F5: variants seen among roughly 807,000 people sequenced by gnomAD.
F5 encodes coagulation factor V, also known as activated protein c cofactor.
F5 carries 138 observed loss-of-function variants against 216.4 expected under a neutral mutation model. That is an observed-to-expected ratio of 0.64 (90% CI 0.56 to 0.73). The LOEUF is 0.73. Ranked by LOEUF, F5 falls within the 30% of genes least tolerant of loss-of-function variation. The pLI is 0.00. For synonymous variants in F5, 916 were observed against 930.7 expected (o/e 0.98, Z 0.29); for missense variants, 2,403 against 2,674.0 (o/e 0.90, Z 2.24).
At chr1:169,584,265 A>T (rs1297252286) in intron 1 of F5, among the ~76,000 whole-genome samples, 2 of 152,326 alleles carry the variant, frequency 1.3e-5, no homozygotes, top group Admixed American at 6.5e-5. Flanking sequence ...AACAATTTCT[A>T]TTGGAAAATA....
chr1:169,564,472 C>T (rs724510), intron 3 of F5, among the ~76,000 whole-genome samples: 4,879 of 152,072 alleles, frequency 0.032, 259 homozygotes, highest in African/African-American at 0.11. Flanking sequence ...AAGCAGTAAG[C>T]TTAGGTGCTC....
chr1:169,540,157 G>T, intron 13 of F5, 137 bp downstream of exon 13: 1 of 881,314 alleles, frequency 1.1e-6, no homozygotes, highest in Non-Finnish European at 1.7e-6. Context: ...AAAGGAAAAA[G>T]AACAGGCCAA....
intron 13 of F5, among the ~76,000 whole-genome samples, chr1:169,537,777 A>G (rs1354664304): frequency 6.6e-6 from 1 of 152,146 alleles, no homozygotes; most frequent in Admixed American, 6.6e-5. Flanking sequence ...AATCACAATG[A>G]GGGCTCACCT....
At chr1:169,534,552 C>T (rs989184114) in intron 14 of F5, among the ~76,000 whole-genome samples, 2 of 151,716 alleles carry the variant, frequency 1.3e-5, no homozygotes, top group Non-Finnish European at 2.9e-5. Context: ...CCTGTAATCC[C>T]AGCTACTCGG....
chr1:169,564,024 T>A (rs1015140000), intron 3 of F5, among the ~76,000 whole-genome samples: 1 of 152,124 alleles, frequency 6.6e-6, no homozygotes, highest in Admixed American at 6.6e-5. Flanking sequence ...TGAAATCAAA[T>A]CTTGTTTTTT....
chr1:169,578,589 T>C (rs563637680), intron 2 of F5, among the ~76,000 whole-genome samples: 2 of 152,296 alleles, frequency 1.3e-5, no homozygotes, highest in African/African-American at 4.8e-5. Flanking sequence ...CAATCCTCTT[T>C]TCCTGGCCCT....
chr1:169,582,351 G>A (rs1364764137), intron 2 of F5, 80 bp downstream of exon 2: 5 of 721,794 alleles, frequency 6.9e-6, no homozygotes, highest in Middle Eastern at 2.8e-4. Flanking sequence ...TTCAGTAAAT[G>A]GATATTTTAG....
intron 3 of F5, among the ~76,000 whole-genome samples, chr1:169,562,897 A>T (rs966680652): frequency 6.6e-6 from 1 of 151,986 alleles, no homozygotes; most frequent in Non-Finnish European, 1.5e-5. Flanking sequence ...CTCTATATTT[A>T]TCAACTTCTG....
chr1:169,554,987 T>C (rs1379599073), intron 7 of F5, among the ~76,000 whole-genome samples, 195 bp downstream of exon 7: 1 of 152,208 alleles, frequency 6.6e-6, no homozygotes, highest in Non-Finnish European at 1.5e-5. Flanking sequence ...GCTGTTGTCA[T>C]TTTTATTATT....
At chr1:169,574,599 T>C (rs2101841511) in intron 2 of F5, among the ~76,000 whole-genome samples, 2 of 152,324 alleles carry the variant, frequency 1.3e-5, no homozygotes, top group Admixed American at 1.3e-4. Context: ...TAATAAGGCT[T>C]TCCTGTACTG....
rs1422821345 is a variant in F5 at position 169,540,739 on chromosome 1, G to A, written c.4351C>T (p.Leu1451Phe). The A allele has an allele frequency of 6.2e-7, 1 of 1,613,936 alleles. No individual in the cohort carries two copies. The highest frequency in any genetic ancestry group is 8.5e-7 in the Non-Finnish European group (1 of 1,179,994). ...TCTGGAGGAGGTGATATCTGGCTGAGATCCGGGAGAAGGGTGGTGTCACTG... is the reference window on the plus strand; with the variant it reads ...TCTGGAGGAGGTGATATCTGGCTGAAATCCGGGAGAAGGGTGGTGTCACTG... ...DISDTTLLPD[L>F]SQISPPPDLD... Residue 1451 changes from leucine (L) to phenylalanine (F), a missense_variant, in exon 13 of 25, where the codon CTC (leucine) becomes TTC (phenylalanine). Leu to Phe is a conservative substitution (Grantham distance 22, BLOSUM62 0). Coordinates refer to ENST00000367797, the MANE Select transcript of F5 (RefSeq NM_000130.5).
chr1:169,570,568 C>T (rs1660699731), intron 3 of F5, among the ~76,000 whole-genome samples: 1 of 152,100 alleles, frequency 6.6e-6, no homozygotes, highest in African/African-American at 2.4e-5. Context: ...CATTGTTTTT[C>T]CTCAAGCCAA....
In F5 at chr1:169,530,799, G is replaced by A; in HGVS notation, c.5195C>T (p.Ser1732Leu). 1 of 1,613,826 alleles carries A rather than the reference G, an allele frequency of 6.2e-7. No individual in the cohort carries two copies. The highest frequency in any genetic ancestry group is 8.5e-7 in the Non-Finnish European group (1 of 1,179,748). Residue 1732 changes from serine to leucine, a missense_variant, in exon 15 of 25, where the codon TCA becomes TTA. By Grantham distance (145) the Ser-to-Leu change is moderately radical. This residue lies in a region of F5 where 659 missense variants were observed against 787.9 expected (regional missense o/e 0.84). Coordinates refer to ENST00000367797, the MANE Select transcript of F5 (RefSeq NM_000130.5). ...GAAAGTACCTACTGGGTTCACAGCT[G>A]AGTAGTAGGCCCAAGCCCGACAGGC... ...GSACRAWAYY[S>L]AVNPEKDIHS...
intron 8 of F5, 79 bp from the exon 9 acceptor site, chr1:169,550,818 C>T (rs1660151072): frequency 9.2e-7 from 1 of 1,091,580 alleles, no homozygotes; most frequent in South Asian, 1.3e-5. Flanking sequence ...TTTGCATATT[C>T]ACCTTTTGGA....
chr1:169,550,106 T>C, intron 9 of F5, 91 bp from the exon 10 acceptor site: 1 of 1,015,102 alleles, frequency 9.9e-7, no homozygotes, highest in South Asian at 1.4e-5. Context: ...AACCAATTAA[T>C]ATTGCAAAAG....
At chr1:169,563,238 A>G (rs752530507) in intron 3 of F5, among the ~76,000 whole-genome samples, 6 of 151,932 alleles carry the variant, frequency 3.9e-5, no homozygotes, top group Non-Finnish European at 8.8e-5. Flanking sequence ...TTTATCTCTC[A>G]CTGCTTCCAA....
chr1:169,546,112 T>C (rs1484277948), intron 11 of F5, among the ~76,000 whole-genome samples: 1 of 152,102 alleles, frequency 6.6e-6, no homozygotes, highest in Non-Finnish European at 1.5e-5. Context: ...ACTATTGACA[T>C]GGACTATAAC....
chr1:169,535,879 A>C (rs570399288), intron 14 of F5, among the ~76,000 whole-genome samples: 1 of 152,314 alleles, frequency 6.6e-6, no homozygotes, highest in South Asian at 2.1e-4. Context: ...AAAATCTAGA[A>C]TAGCTTACTT....
At chr1:169,520,398 C>T in intron 22 of F5, 122 bp downstream of exon 22, 1 of 1,257,904 alleles carries the variant, frequency 7.9e-7, no homozygotes, top group Non-Finnish European at 1.2e-6. Context: ...CTCTGTTTCA[C>T]AAAGGTTTTC....
Sources: gnomAD v4.1 joint callset for allele counts (sites outside exome capture counted in the v4.1 genomes callset) on GRCh38, gnomAD v4.1.1 for gene constraint, gnomAD v4.1.1 regional missense constraint, MANE v1.5 for transcripts, NCBI Gene and HGNC (gene_info 2026-07-23, HGNC 2026-07-21) for gene names.